ACTR1B: variants seen among roughly 807,000 people sequenced by gnomAD.
ACTR1B encodes beta-centractin.
ACTR1B carries 34 observed loss-of-function variants against 49.4 expected under a neutral mutation model. The observed-to-expected ratio is 0.69, with a 90% CI of 0.52 to 0.92. ACTR1B has a LOEUF of 0.92. Among genes scored for constraint, ACTR1B ranks in the 40% least tolerant of loss-of-function variants. The pLI is 0.00. For missense variants in ACTR1B, 471 were observed against 522.4 expected, an observed-to-expected ratio of 0.90 and a Z score of 0.96; for synonymous variants, 207 against 207.8, an observed-to-expected ratio of 1.00 and a Z score of 0.03.
intron 2 of ACTR1B, 117 bp downstream of exon 2, chr2:97,661,765 G>T: frequency 1.0e-6 from 1 of 953,310 alleles, no homozygotes; most frequent in Non-Finnish European, 1.6e-6. Flanking sequence ...TCACAAATTT[G>T]GTGTTTTCCA....
chr2:97,659,686 C>CT lies in ACTR1B; in HGVS notation c.190-210_190-209insA. The CT allele has an allele frequency of 1.5e-6, 1 of 652,660 alleles. No homozygotes were observed. Among genetic ancestry groups the CT allele is most frequent in the Non-Finnish European group, 2.6e-6 (1 of 386,912 alleles). The allele number at this position is 652,660 out of a possible 1,614,324, so 40.4% of individuals were successfully genotyped here. A position where few individuals can be genotyped will look rare whatever the true frequency, so the allele number is the denominator to read the frequency against. On this transcript the variant is annotated intron_variant, in intron 3 of 10. Transcript: ENST00000289228. This position sits in a 1 kb window ranked among gnomAD's most constrained non-coding sequence, Gnocchi z 4.0. ...CACCAGCTTCTTAGGCTCTTAGAGC[C>CT]CAGCTAGCTTCAGCTGGGGGGATCA... is the stretch of plus-strand genomic sequence containing the variant.
chr2:97,662,409 T>G (rs1362014446), intron 1 of ACTR1B, among the ~76,000 whole-genome samples: 2 of 151,742 alleles, frequency 1.3e-5, no homozygotes, highest in East Asian at 3.9e-4. Context: ...TGGGTCTTTT[T>G]TTTTTTTTTT....
In ACTR1B at chr2:97,663,949, G is replaced by A; in HGVS notation, c.-59C>T. On this transcript the variant is annotated 5_prime_UTR_variant, in exon 1 of 11. Transcript: ENST00000289228. ...GCTGCAGGAGGCACCGGATGGGCGGGCGGGCGGGAGGACCGGGACGGCGGC... is the reference window on the plus strand; with the variant it reads ...GCTGCAGGAGGCACCGGATGGGCGGACGGGCGGGAGGACCGGGACGGCGGC... 1 of 979,954 alleles carries A rather than the reference G, an allele frequency of 1.0e-6. No individual in the cohort carries two copies. The highest frequency in any genetic ancestry group is 1.3e-6 in the Non-Finnish European group (1 of 746,498). 60.7% of individuals were successfully genotyped at this position (979,954 alleles called of 1,614,324 possible).
At chr2:97,661,808 C>A (rs1675016177) in intron 2 of ACTR1B, 74 bp downstream of exon 2, 44 of 1,455,642 alleles carry the variant, frequency 3.0e-5, no homozygotes, top group Non-Finnish European at 3.9e-5. Context: ...CTTCAAAGAG[C>A]CCTGTGACAG....
Position 97,656,454 on chromosome 2 carries a change from C to T in ACTR1B, c.*404G>A, listed in dbSNP as rs945735095. On this transcript the variant is annotated 3_prime_UTR_variant, in exon 11 of 11. Coordinates refer to ENST00000289228, the MANE Select transcript of ACTR1B (RefSeq NM_005735.4). ...GGAGGTGGCAATGGATGCAGTGACA[C>T]ACCAGTGGGAGCTGCTGGCTGCCCC... is the stretch of plus-strand genomic sequence containing the variant. 1 of 245,842 alleles carries T rather than the reference C, an allele frequency of 4.1e-6. No individual in the cohort carries two copies. Among genetic ancestry groups the T allele is most frequent in the Non-Finnish European group, 8.1e-6 (1 of 123,096 alleles). The allele number at this position is 245,842 out of a possible 1,614,324, so 15.2% of individuals were successfully genotyped here. A position where few individuals can be genotyped will look rare whatever the true frequency, so the allele number is the denominator to read the frequency against.
chr2:97,662,289 T>C (rs971101991), intron 1 of ACTR1B, among the ~76,000 whole-genome samples: 2 of 151,876 alleles, frequency 1.3e-5, no homozygotes, highest in Non-Finnish European at 2.9e-5. Context: ...GTCAATAATA[T>C]AGAGATAGAG....
At position 97,657,936 on chromosome 2, in the gene ACTR1B, A is replaced by T; in HGVS notation, c.925+7T>A. 6.2e-7 allele frequency: 1 copy of T among 1,613,620 alleles called. No homozygotes were observed. The highest frequency in any genetic ancestry group is 8.5e-7 in the Non-Finnish European group (1 of 1,179,692). The stretch of plus-strand genomic sequence containing the variant: ...TCTCACCACCACCAACTCTCAAGCC[A>T]CAGTACCTTTGAAAAGCGTTGAGCC... On this transcript the variant is annotated splice_region_variant and intron_variant, in intron 8 of 10. Transcript: ENST00000289228.
At chr2:97,657,378 A>G (rs937240394) in intron 9 of ACTR1B, 70 bp downstream of exon 9, 41 of 1,570,406 alleles carry the variant, frequency 2.6e-5, no homozygotes, top group Admixed American at 1.2e-4. Context: ...TGGGGGCAGC[A>G]TTCAACCTTC....
At chr2:97,657,880 C>G in intron 8 of ACTR1B, 63 bp downstream of exon 8, 1 of 1,578,084 alleles carries the variant, frequency 6.3e-7, no homozygotes, top group Non-Finnish European at 8.6e-7. Context: ...TAGGGGTATA[C>G]TCTCTGAGGG....
At chr2:97,657,574 C>G in intron 8 of ACTR1B, 65 bp from the exon 9 acceptor site, 1 of 1,544,822 alleles carries the variant, frequency 6.5e-7, no homozygotes, top group Non-Finnish European at 8.9e-7. Flanking sequence ...AGCTCCCGCA[C>G]CCAGCCTTCA....
intron 1 of ACTR1B, 92 bp from the exon 2 acceptor site, chr2:97,662,038 A>G: frequency 7.7e-7 from 1 of 1,304,960 alleles, no homozygotes; most frequent in Non-Finnish European, 1.1e-6. Context: ...CCGTCAAGGC[A>G]GGCCAAGGAG....
chr2:97,659,327 C>T lies in ACTR1B; in HGVS notation c.315+25G>A. The T allele has an allele frequency of 6.2e-7, 1 of 1,613,516 alleles. No homozygotes were observed. The highest frequency in any genetic ancestry group is 8.5e-7 in the Non-Finnish European group (1 of 1,179,920). On this transcript the variant is annotated intron_variant, in intron 4 of 10. Transcript: ENST00000289228. The surrounding 1 kb of genome is among the most constrained non-coding windows in gnomAD (Gnocchi z 4.0). ...GGGGCATGGCCAGGAGAATGCAGAGCATGCAGGAGGGGCAGCCGCCACACC... is the reference window on the plus strand; with the variant it reads ...GGGGCATGGCCAGGAGAATGCAGAGTATGCAGGAGGGGCAGCCGCCACACC...
At position 97,659,869 on chromosome 2, in the gene ACTR1B, G is replaced by A. The variant is rs894949703; in HGVS notation, c.190-392C>T. 7.4e-5 allele frequency: 22 copies of A among 297,952 alleles called. No homozygotes were observed. In the East Asian group the frequency reaches 1.8e-3, roughly 25 times the overall value. The allele number at this position is 297,952 out of a possible 1,614,324, so 18.5% of individuals were successfully genotyped here. On this transcript the variant is annotated intron_variant, in intron 3 of 10. Coordinates refer to ENST00000289228, the MANE Select transcript of ACTR1B (RefSeq NM_005735.4). The surrounding 1 kb of genome is among the most constrained non-coding windows in gnomAD (Gnocchi z 4.0). ...ACACGGCCCCTCCTGGGCCACCTGT[G>A]CCCCCTGACCTACGCCTCTCCCCCC... is the stretch of plus-strand genomic sequence containing the variant.
chr2:97,656,511 G>T lies in ACTR1B; in HGVS notation c.*347C>A. 3.6e-6 allele frequency: 1 copy of T among 274,758 alleles called. No homozygotes were observed. 17.0% of individuals were successfully genotyped at this position (274,758 alleles called of 1,614,324 possible). On this transcript the variant is annotated 3_prime_UTR_variant, in exon 11 of 11. Coordinates refer to ENST00000289228, the MANE Select transcript of ACTR1B (RefSeq NM_005735.4). ...CCCACTCCCCAAACTGGCTACCCAG[G>T]CATCCAGGCATTCTGGCCCTGGAGC...
chr2:97,659,019 C>T lies in ACTR1B; in HGVS notation c.316-16G>A, dbSNP rs757077256. 2 of 1,613,938 alleles carry T rather than the reference C, an allele frequency of 1.2e-6. No homozygotes were observed. Among genetic ancestry groups the T allele is most frequent in the South Asian group, 2.2e-5 (2 of 91,080 alleles). ...GCACAGGATGCTGCGAGGGACGGGA[C>T]AGTTGTAGGCATCAGAGGAGGCAAC... On this transcript the variant is annotated splice_polypyrimidine_tract_variant and intron_variant, in intron 4 of 10. Coordinates refer to ENST00000289228, the MANE Select transcript of ACTR1B (RefSeq NM_005735.4). This position sits in a 1 kb window ranked among gnomAD's most constrained non-coding sequence, Gnocchi z 4.0.
intron 1 of ACTR1B, among the ~76,000 whole-genome samples, chr2:97,663,294 G>A (rs1675075799): frequency 6.6e-6 from 1 of 152,188 alleles, no homozygotes; most frequent in African/African-American, 2.4e-5. Context: ...TGGAATGTTT[G>A]CTCAGCACAG....
chr2:97,659,581 G>T lies in ACTR1B; in HGVS notation c.190-104C>A. 1 of 1,405,804 alleles carries T rather than the reference G, an allele frequency of 7.1e-7. No homozygotes were observed. The highest frequency in any genetic ancestry group is 1.2e-5 in the South Asian group (1 of 81,548). The allele number at this position is 1,405,804 out of a possible 1,614,324, so 87.1% of individuals were successfully genotyped here. A position where few individuals can be genotyped will look rare whatever the true frequency, so the allele number is the denominator to read the frequency against. On this transcript the variant is annotated intron_variant, in intron 3 of 10. Coordinates refer to ENST00000289228, the MANE Select transcript of ACTR1B (RefSeq NM_005735.4). The surrounding 1 kb of genome is among the most constrained non-coding windows in gnomAD (Gnocchi z 4.0). ...ACCTGCCCTGACCAGAACCTCACCT[G>T]CCCTGACCAGAACCACCCCTGCTCA... is the stretch of plus-strand genomic sequence containing the variant.
At position 97,656,226 on chromosome 2, in the gene ACTR1B, T is replaced by C. The variant is rs1674832473; in HGVS notation, c.*632A>G. 1 of 152,304 alleles carries C rather than the reference T, an allele frequency of 6.6e-6. No individual in the cohort carries two copies. The highest frequency in any genetic ancestry group is 6.5e-5 in the Admixed American group (1 of 15,288). The allele number at this position is 152,304 out of a possible 1,614,324, so 9.4% of individuals were successfully genotyped here. A position where few individuals can be genotyped will look rare whatever the true frequency, so the allele number is the denominator to read the frequency against. ...GAGGGTAGAGGGAGGAGCAAGTGGA[T>C]GAAGTGCTCTGAAAAGGATAGTGCA... On this transcript the variant is annotated 3_prime_UTR_variant, in exon 11 of 11. Coordinates refer to ENST00000289228, the MANE Select transcript of ACTR1B (RefSeq NM_005735.4).
chr2:97,661,713 C>T (rs761499519), intron 2 of ACTR1B, among the ~76,000 whole-genome samples, 169 bp downstream of exon 2: 3 of 152,222 alleles, frequency 2.0e-5, no homozygotes, highest in Non-Finnish European at 4.4e-5. Flanking sequence ...AACCCTAGAA[C>T]GCTTGTCTTG....
Sources: allele counts gnomAD v4.1 joint callset (sites outside exome capture counted in the v4.1 genomes callset), GRCh38; gene constraint gnomAD v4.1.1; non-coding constraint Gnocchi (gnomAD v3.1); transcripts MANE v1.5; gene names NCBI Gene and HGNC (gene_info 2026-07-23, HGNC 2026-07-21).